TMCC3: variants seen among roughly 807,000 people sequenced by gnomAD.
The protein encoded by TMCC3 is transmembrane and coiled-coil domain family 3, also known as transmembrane and coiled-coil domain protein 3.
Under a neutral mutation model 40.2 loss-of-function variants are expected in TMCC3, and 28 were observed. That is an observed-to-expected ratio of 0.70 (90% confidence interval 0.52 to 0.95). TMCC3 has a LOEUF of 0.95. Among genes scored for constraint, TMCC3 ranks in the 40% least tolerant of loss-of-function variants. The probability of loss-of-function intolerance (pLI) is 0.00; values close to 1 mark genes in which losing one functional copy is unlikely to be tolerated. For missense variants in TMCC3, 554 were observed against 615.2 expected (o/e 0.90, Z 1.05); for synonymous variants, 255 against 248.5 (o/e 1.03, Z -0.25).
intron 1 of TMCC3, among the ~76,000 whole-genome samples, chr12:94,641,343 G>C (rs2068989661): frequency 1.3e-5 from 2 of 152,204 alleles, no homozygotes; most frequent in African/African-American, 4.8e-5. Flanking sequence ...GCGGTTCAAA[G>C]AATGAATCTG....
intron 1 of TMCC3, among the ~76,000 whole-genome samples, chr12:94,624,450 T>C (rs2068891956): frequency 6.6e-6 from 1 of 152,174 alleles, no homozygotes; most frequent in African/African-American, 2.4e-5. Context: ...TGGTGGCTCA[T>C]GCCTGTAATC....
At chr12:94,593,433 G>GAA (rs1491347901) in intron 1 of TMCC3, among the ~76,000 whole-genome samples, 4 of 113,760 alleles carry the variant, frequency 3.5e-5, no homozygotes, top group Admixed American at 2.1e-4. Context: ...GGAAGAAGAA[G>GAA]GAGAAGGAGA....
At chr12:94,627,283 T>G (rs1268936780) in intron 1 of TMCC3, among the ~76,000 whole-genome samples, 1 of 152,184 alleles carries the variant, frequency 6.6e-6, no homozygotes, top group Non-Finnish European at 1.5e-5. Context: ...TGCTGCTTCC[T>G]CACTTCACCA....
At chr12:94,617,350 T>C (rs1057411616) in intron 1 of TMCC3, among the ~76,000 whole-genome samples, 5 of 152,324 alleles carry the variant, frequency 3.3e-5, no homozygotes, top group African/African-American at 1.2e-4. Flanking sequence ...TCCCAGCTTC[T>C]GCCTCTTAGC....
intron 1 of TMCC3, among the ~76,000 whole-genome samples, chr12:94,638,379 AGG>A (rs1273678598): frequency 6.6e-6 from 1 of 152,216 alleles, no homozygotes; most frequent in African/African-American, 2.4e-5. Flanking sequence ...GTGGATTCAA[AGG>A]AGACATTTGC....
At chr12:94,643,201 A>G (rs1705282104) in intron 1 of TMCC3, among the ~76,000 whole-genome samples, 1 of 150,930 alleles carries the variant, frequency 6.6e-6, no homozygotes, top group African/African-American at 2.5e-5. Context: ...AAAAAAAAAG[A>G]AAGTCAACCG....
Position 94,581,712 on chromosome 12 carries a change from G to C in TMCC3, c.905C>G (p.Ala302Gly). 1 of 1,614,202 alleles carries C rather than the reference G, an allele frequency of 6.2e-7. No individual in the cohort carries two copies. The highest frequency in any genetic ancestry group is 2.2e-5 in the East Asian group (1 of 44,888). ...TGCCTCGATGTCCTCAGCCAGCTGA[G>C]CTTGGGTATCCTTGATCTCCCTCAG... ...EELREIKDTQ[A>G]QLAEDIEALK... Residue 302 changes from alanine (A) to glycine (G), a missense_variant, in exon 2 of 4, where the codon GCT becomes GGT. Physicochemically the swap from Ala to Gly is moderately conservative, Grantham distance 60 (BLOSUM62 0). Transcript: ENST00000261226.
intron 1 of TMCC3, among the ~76,000 whole-genome samples, chr12:94,635,921 G>A (rs148536661): frequency 6.0e-4 from 91 of 152,044 alleles, no homozygotes; most frequent in African/African-American, 1.8e-3. Context: ...CACCTGCCTC[G>A]GCCTCCCAAA....
intron 1 of TMCC3, among the ~76,000 whole-genome samples, chr12:94,635,593 C>T (rs926735773): frequency 1.3e-5 from 2 of 151,742 alleles, no homozygotes; most frequent in East Asian, 1.9e-4. Flanking sequence ...CTTTTCCTCT[C>T]AGCCTTTTGG....
intron 1 of TMCC3, among the ~76,000 whole-genome samples, chr12:94,597,960 G>A (rs1210050339): frequency 6.6e-6 from 1 of 152,082 alleles, no homozygotes; most frequent in Non-Finnish European, 1.5e-5. Flanking sequence ...AGTCCAAGAA[G>A]GCAACGACTT....
intron 1 of TMCC3, among the ~76,000 whole-genome samples, chr12:94,590,193 TC>T (rs1265088225): frequency 6.6e-6 from 1 of 150,636 alleles, no homozygotes; most frequent in Non-Finnish European, 1.5e-5. Context: ...ATTCCAATGT[TC>T]AAGTGATTCC....
intron 3 of TMCC3, among the ~76,000 whole-genome samples, chr12:94,575,540 C>T (rs866330968): frequency 1.8e-4 from 28 of 152,182 alleles, no homozygotes; most frequent in Admixed American, 2.0e-4. Flanking sequence ...CAGTCATTCA[C>T]ACAGATGTCC....
At chr12:94,650,250 G>A in intron 1 of TMCC3, 103 bp downstream of exon 1, 1 of 703,062 alleles carries the variant, frequency 1.4e-6, no homozygotes. Flanking sequence ...GGAGGGCGGC[G>A]GCGAAACGCC....
intron 1 of TMCC3, among the ~76,000 whole-genome samples, chr12:94,635,772 C>T (rs1019049457): frequency 6.7e-5 from 10 of 148,968 alleles, no homozygotes; most frequent in African/African-American, 2.2e-4. Flanking sequence ...CAGGTTCGAG[C>T]AATTCTGTCT....
chr12:94,590,929 C>T (rs546239361), intron 1 of TMCC3: 30 of 584,526 alleles, frequency 5.1e-5, no homozygotes, highest in South Asian at 1.5e-4. Flanking sequence ...GAGAAATGAC[C>T]GAGAGCTTCA....
At chr12:94,588,729 G>A (rs961562600) in intron 1 of TMCC3, among the ~76,000 whole-genome samples, 3 of 152,190 alleles carry the variant, frequency 2.0e-5, no homozygotes, top group Non-Finnish European at 2.9e-5. Context: ...TCTATTTCAG[G>A]TCTAAAGTCT....
At chr12:94,602,330 C>A (rs2068757869) in intron 1 of TMCC3, among the ~76,000 whole-genome samples, 1 of 152,224 alleles carries the variant, frequency 6.6e-6, no homozygotes, top group South Asian at 2.1e-4. Context: ...ACCTCGCATA[C>A]TGAGAACAAT....
chr12:94,641,296 G>A (rs551954813), intron 1 of TMCC3, among the ~76,000 whole-genome samples: 1 of 152,286 alleles, frequency 6.6e-6, no homozygotes, highest in South Asian at 2.1e-4. Flanking sequence ...CTGACTGGCT[G>A]TATGGGAAAA....
intron 1 of TMCC3, among the ~76,000 whole-genome samples, chr12:94,641,935 T>C (rs984646915): frequency 2.0e-5 from 3 of 151,320 alleles, no homozygotes; most frequent in African/African-American, 7.3e-5. Flanking sequence ...TATTTATATA[T>C]ATATTAGCAA....
Sources: allele counts gnomAD v4.1 joint callset (sites outside exome capture counted in the v4.1 genomes callset), GRCh38; gene constraint gnomAD v4.1.1; transcripts MANE v1.5; gene names NCBI Gene and HGNC (gene_info 2026-07-23, HGNC 2026-07-21).